Variants in TRIM14 observed in about 807,000 individuals in gnomAD.
The protein encoded by TRIM14 is tripartite motif containing 14.
Under a neutral mutation model 44.5 loss-of-function variants are expected in TRIM14, and 28 were observed. The ratio of observed to expected loss-of-function variants is 0.63; its 90% CI spans 0.47 to 0.86. TRIM14 has a LOEUF of 0.86. Among genes scored for constraint, TRIM14 ranks in the 40% least tolerant of loss-of-function variants. The pLI is 0.00. For synonymous variants in TRIM14, 299 were observed against 269.2 expected, an observed-to-expected ratio of 1.11 and a Z score of -1.08; for missense variants, 607 against 611.1, an observed-to-expected ratio of 0.99 and a Z score of 0.07.
chr9:98,087,522 T>C lies in TRIM14; in HGVS notation c.1277A>G (p.Tyr426Cys), dbSNP rs1295874233. The C allele has an allele frequency of 2.5e-6, 4 of 1,598,404 alleles. No homozygotes were observed. Among genetic ancestry groups the C allele is most frequent in the South Asian group, 1.1e-5 (1 of 89,992 alleles). The change falls in exon 6 of 6, where the codon TAC becomes TGC. Residue 426 changes from tyrosine (Y) to cysteine (C), a missense_variant. Tyr to Cys is a radical substitution (Grantham distance 194). Coordinates refer to ENST00000341469, the MANE Select transcript of TRIM14 (RefSeq NM_014788.4). Reference sequence around the variant, plus strand: ...CCCCTCCCAGAGCCGCAGGGCCGGGTAGAGCGGCTCCTGGAACGTGGCGCG... The same window carrying C: ...CCCCTCCCAGAGCCGCAGGGCCGGGCAGAGCGGCTCCTGGAACGTGGCGCG... ...TFRATFQEPL[Y>C]PALRLWEGAI...
the TRIM14 span, among the ~76,000 whole-genome samples, chr9:98,053,042 G>A: frequency 6.6e-6 from 1 of 152,168 alleles, no homozygotes; most frequent in Non-Finnish European, 1.5e-5. Context: ...ACCAGAATCG[G>A]TCCATGGGGA....
At chr9:98,066,735 C>A (rs1294608869), downstream of TRIM14, among the ~76,000 whole-genome samples, 3 of 151,942 alleles carry the variant, frequency 2.0e-5, no homozygotes, top group East Asian at 5.8e-4. Context: ...ACTGCAACCT[C>A]CACCTCTCAG....
the TRIM14 span, among the ~76,000 whole-genome samples, chr9:98,052,989 C>T: frequency 6.6e-6 from 1 of 152,274 alleles, no homozygotes; most frequent in South Asian, 2.1e-4. Flanking sequence ...TAATTAGAGT[C>T]TCCCCAAAGG....
rs1427310893 is a variant in TRIM14 at position 98,095,670 on chromosome 9, C to G, written c.538-641G>C. Among the ~76,000 whole-genome samples the G allele has an allele frequency of 6.6e-6, 1 of 152,192 alleles. No homozygotes were observed. Among genetic ancestry groups the G allele is most frequent in the Non-Finnish European group, 1.5e-5 (1 of 68,038 alleles). ...AGCTAGAAAACCCCCTCTCCCAGCT[C>G]CCTTTGCACCTGTGCTGCAGGAGTG... On this transcript the variant is annotated intron_variant, in intron 3 of 5. Coordinates refer to ENST00000341469, the MANE Select transcript of TRIM14 (RefSeq NM_014788.4). This position sits in a 1 kb window ranked among gnomAD's most constrained non-coding sequence, Gnocchi z 4.1.
chr9:98,056,563 G>C, the TRIM14 span, among the ~76,000 whole-genome samples: 2 of 152,186 alleles, frequency 1.3e-5, no homozygotes, highest in South Asian at 2.1e-4. Flanking sequence ...GCACAGGAGA[G>C]GGCCGCGGAG....
intron 5 of TRIM14, 53 bp downstream of exon 5, chr9:98,091,856 A>G: frequency 1.5e-6 from 2 of 1,299,878 alleles, no homozygotes; most frequent in South Asian, 2.1e-5. Flanking sequence ...CCTCCACCCA[A>G]CATCCCACCA....
chr9:98,056,868 C>T, the TRIM14 span: 8 of 1,612,228 alleles, frequency 5.0e-6, no homozygotes, highest in Non-Finnish European at 5.1e-6. Flanking sequence ...ACCCGTGCTT[C>T]ATCATTGCCG....
chr9:98,053,614 T>C, the TRIM14 span, among the ~76,000 whole-genome samples: 1 of 147,826 alleles, frequency 6.8e-6, no homozygotes, highest in African/African-American at 2.6e-5. Context: ...CAGACCTTTG[T>C]AGAGGAGACA....
the TRIM14 span, among the ~76,000 whole-genome samples, chr9:98,064,239 T>C: frequency 6.6e-6 from 1 of 152,308 alleles, no homozygotes; most frequent in Admixed American, 6.5e-5. Context: ...AGTTGTGTAC[T>C]TAACAATCCT....
At chr9:98,081,105 C>A, downstream of TRIM14, 1 of 1,612,956 alleles carries the variant, frequency 6.2e-7, no homozygotes, top group South Asian at 1.1e-5. Flanking sequence ...GGACTCTACT[C>A]GGTTCTGCTG....
downstream of TRIM14, chr9:98,081,884 A>G (rs1162234733): frequency 2.0e-5 from 3 of 152,212 alleles, no homozygotes; most frequent in African/African-American, 7.2e-5. Flanking sequence ...GTAAAAAGAA[A>G]TAGTTTCTTT....
At chr9:98,104,082 A>T (rs1327583592) in intron 2 of TRIM14, among the ~76,000 whole-genome samples, 1 of 152,136 alleles carries the variant, frequency 6.6e-6, no homozygotes, top group Non-Finnish European at 1.5e-5. Flanking sequence ...AGCTCATACC[A>T]CAGGCCTATG....
intron 3 of TRIM14, among the ~76,000 whole-genome samples, chr9:98,096,847 A>G (rs1826203780): frequency 6.6e-6 from 1 of 151,952 alleles, no homozygotes; most frequent in Non-Finnish European, 1.5e-5. Context: ...TCTATCTCTA[A>G]AGTGACTTTT....
In TRIM14 at chr9:98,087,231, G is replaced by A; in HGVS notation, c.*239C>T. ...GATTAAAGTAGTGTAAGTGATGGTGGGGTGAGGGTGCGGAGGTCTGATGAG... is the reference window on the plus strand; with the variant it reads ...GATTAAAGTAGTGTAAGTGATGGTGAGGTGAGGGTGCGGAGGTCTGATGAG... On this transcript the variant is annotated 3_prime_UTR_variant, in exon 6 of 6. Transcript: ENST00000341469. 3.8e-6 allele frequency: 3 copies of A among 779,304 alleles called. No homozygotes were observed. Among genetic ancestry groups the A allele is most frequent in the South Asian group, 2.7e-5 (2 of 73,690 alleles). 48.3% of individuals were successfully genotyped at this position (779,304 alleles called of 1,614,324 possible).
At chr9:98,090,933 T>C (rs1454813242) in intron 5 of TRIM14, among the ~76,000 whole-genome samples, 1 of 152,212 alleles carries the variant, frequency 6.6e-6, no homozygotes, top group East Asian at 1.9e-4. Flanking sequence ...TGATATTCAC[T>C]GTCCCCCTCC....
chr9:98,065,654 C>A (rs934259503), downstream of TRIM14, among the ~76,000 whole-genome samples: 2 of 147,966 alleles, frequency 1.4e-5, no homozygotes, highest in Non-Finnish European at 3.0e-5. Context: ...TTTTTTTTTC[C>A]CCCTGGAGAC....
chr9:98,095,157 C>T lies in TRIM14; in HGVS notation c.538-128G>A. On this transcript the variant is annotated intron_variant, in intron 3 of 5. Coordinates refer to ENST00000341469, the MANE Select transcript of TRIM14 (RefSeq NM_014788.4). This position sits in a 1 kb window ranked among gnomAD's most constrained non-coding sequence, Gnocchi z 4.1. ...TCCACGTTGGCCTGGCACCTATGGT[C>T]AGCCCAGGCCATGCCTGCAGGAGCA... The T allele has an allele frequency of 1.7e-6, 2 of 1,177,058 alleles. No individual in the cohort carries two copies. The highest frequency in any genetic ancestry group is 1.5e-5 in the African/African-American group (1 of 64,856). The allele number at this position is 1,177,058 out of a possible 1,614,324, so 72.9% of individuals were successfully genotyped here. A position where few individuals can be genotyped will look rare whatever the true frequency, so the allele number is the denominator to read the frequency against.
chr9:98,036,617 C>T, the TRIM14 span, among the ~76,000 whole-genome samples: 1 of 151,608 alleles, frequency 6.6e-6, no homozygotes, highest in African/African-American at 2.4e-5. Flanking sequence ...GCCTAACCAA[C>T]ATGGAGAAAC....
At chr9:98,036,262 A>C in the TRIM14 span, among the ~76,000 whole-genome samples, 2 of 151,732 alleles carry the variant, frequency 1.3e-5, no homozygotes, top group African/African-American at 2.4e-5. Context: ...GCACTTTGGG[A>C]GGCCGAGGCA....
Sources: allele counts gnomAD v4.1 joint callset (sites outside exome capture counted in the v4.1 genomes callset), GRCh38; gene constraint gnomAD v4.1.1; non-coding constraint Gnocchi (gnomAD v3.1); transcripts MANE v1.5; gene names NCBI Gene and HGNC (gene_info 2026-07-23, HGNC 2026-07-21).